The following RARB variants were observed in gnomAD, a reference collection of about 807,000 sequenced individuals.
The protein encoded by RARB is retinoic acid receptor beta.
A neutral mutation model predicts 51.9 loss-of-function variants in RARB; 17 were observed. The ratio of observed to expected loss-of-function variants is 0.33; its 90% confidence interval spans 0.22 to 0.49. RARB has a LOEUF of 0.49. RARB is among the 20% of genes least tolerant of loss of function. The probability of loss-of-function intolerance (pLI) is 0.99; values close to 1 mark genes in which losing one functional copy is unlikely to be tolerated. For missense variants in RARB, 369 were observed against 550.8 expected (o/e 0.67, Z 3.30); for synonymous variants, 215 against 195.4 (o/e 1.10, Z -0.84).
intron 2 of RARB, among the ~76,000 whole-genome samples, chr3:24,978,625 G>A (rs993923219): frequency 3.3e-5 from 5 of 151,522 alleles, no homozygotes; most frequent in East Asian, 1.9e-4. Flanking sequence ...TTTTTATTGC[G>A]TCTATTTGAT....
At chr3:25,048,639 T>A (rs1257375798) in intron 2 of RARB, among the ~76,000 whole-genome samples, 1 of 152,182 alleles carries the variant, frequency 6.6e-6, no homozygotes, top group Non-Finnish European at 1.5e-5. Context: ...CAAAAGCACT[T>A]AATTTCAGAT....
At chr3:25,093,839 C>T (rs954745337) in intron 3 of RARB, among the ~76,000 whole-genome samples, 1 of 152,132 alleles carries the variant, frequency 6.6e-6, no homozygotes, top group Admixed American at 6.5e-5. Context: ...AACCAATTGG[C>T]AACAAGCACC....
chr3:25,263,650 C>T (rs934908821), intron 5 of RARB, among the ~76,000 whole-genome samples: 2 of 152,186 alleles, frequency 1.3e-5, no homozygotes, highest in Admixed American at 6.5e-5. Context: ...TATTGTCTTT[C>T]AAAGCCACCT....
intron 3 of RARB, among the ~76,000 whole-genome samples, chr3:25,108,296 A>G (rs1472058029): frequency 6.6e-6 from 1 of 152,230 alleles, no homozygotes; most frequent in Non-Finnish European, 1.5e-5. Context: ...TGTATACTCA[A>G]ATATGAAATG....
chr3:24,962,079 G>A (rs953026730), intron 2 of RARB, among the ~76,000 whole-genome samples: 3 of 151,792 alleles, frequency 2.0e-5, no homozygotes, highest in Admixed American at 6.6e-5. Context: ...ACAGGTGCCC[G>A]CCACCACACC....
chr3:25,217,418 G>A (rs1055815897), intron 5 of RARB, among the ~76,000 whole-genome samples: 3 of 152,108 alleles, frequency 2.0e-5, no homozygotes, highest in African/African-American at 7.2e-5. Flanking sequence ...TTACATTATA[G>A]CCAATATTAT....
At chr3:24,909,710 C>G (rs914467625) in intron 2 of RARB, among the ~76,000 whole-genome samples, 2 of 152,012 alleles carry the variant, frequency 1.3e-5, no homozygotes, top group African/African-American at 4.8e-5. Context: ...GTCTTTTAAC[C>G]GTGATGGATT....
chr3:25,352,957 T>C (rs138218120), intron 5 of RARB, among the ~76,000 whole-genome samples: 153 of 152,288 alleles, frequency 1.0e-3, no homozygotes, highest in African/African-American at 3.5e-3. Context: ...ATCATGACTA[T>C]CCTGCCTATT....
intron 2 of RARB, among the ~76,000 whole-genome samples, chr3:25,028,577 C>G (rs1189731919): frequency 1.3e-5 from 2 of 152,010 alleles, no homozygotes; most frequent in African/African-American, 2.4e-5. Flanking sequence ...GTTATAGGTA[C>G]AGAGTGGATT....
intron 1 of RARB, among the ~76,000 whole-genome samples, chr3:24,854,746 G>T (rs1298970042): frequency 6.6e-6 from 1 of 152,078 alleles, no homozygotes; most frequent in Admixed American, 6.5e-5. Context: ...CTATTCTCAA[G>T]ATGCCAGGTG....
chr3:25,288,554 A>C lies in RARB; in HGVS notation c.178+113979A>C, dbSNP rs530378146. 2.5e-3 allele frequency among the ~76,000 whole-genome samples: 380 copies of C among 152,264 alleles called. 3 individuals are homozygous for C. Among genetic ancestry groups the C allele is most frequent in the African/African-American group, 8.6e-3 (358 of 41,538 alleles). On this transcript the variant is annotated intron_variant, in intron 5 of 11. Transcript: ENST00000383772. The stretch of plus-strand genomic sequence containing the variant: ...TGAGCCCAGGACACTATTTGGGCCA[A>C]TTTGCATGTGTGAGTGATTCTACCC...
chr3:25,463,461 G>A (rs781335902), intron 2 of RARB, among the ~76,000 whole-genome samples: 5 of 152,124 alleles, frequency 3.3e-5, no homozygotes, highest in East Asian at 1.9e-4. Flanking sequence ...TCAAGAGATC[G>A]AGACCATTCT....
At chr3:25,217,321 C>T (rs1425127044) in intron 5 of RARB, among the ~76,000 whole-genome samples, 3 of 152,080 alleles carry the variant, frequency 2.0e-5, no homozygotes, top group African/African-American at 7.2e-5. Flanking sequence ...ATTTTTGTAT[C>T]ATTAGGAGCT....
At position 24,902,527 on chromosome 3, in the gene RARB, T is replaced by A. The variant is rs558741884; in HGVS notation, c.-380+43775T>A. On this transcript the variant is annotated intron_variant, in intron 2 of 11. Transcript: ENST00000383772. ...TCTGTTGGGGACAACGTGAGGATGATAAAAACGGGTAATTTGGTCTGGGTT... is the reference window on the plus strand; with the variant it reads ...TCTGTTGGGGACAACGTGAGGATGAAAAAAACGGGTAATTTGGTCTGGGTT... Among the ~76,000 whole-genome samples the A allele has an allele frequency of 2.1e-4, 32 of 152,290 alleles. No individual in the cohort carries two copies. In the South Asian group the frequency reaches 6.6e-3, roughly 32 times the overall value.
chr3:25,589,933 G>A (rs1371217603), intron 5 of RARB, among the ~76,000 whole-genome samples: 1 of 152,012 alleles, frequency 6.6e-6, no homozygotes, highest in Non-Finnish European at 1.5e-5. Flanking sequence ...ACTGGCATTT[G>A]ATTTTAGTGT....
chr3:25,160,933 C>A (rs2125346435), intron 4 of RARB, among the ~76,000 whole-genome samples: 1 of 152,254 alleles, frequency 6.6e-6, no homozygotes, highest in Non-Finnish European at 1.5e-5. Flanking sequence ...ATAATCAAAT[C>A]TCCCTTTGCC....
At chr3:25,346,146 A>C (rs1705386406) in intron 5 of RARB, among the ~76,000 whole-genome samples, 1 of 152,296 alleles carries the variant, frequency 6.6e-6, no homozygotes, top group South Asian at 2.1e-4. Context: ...GTCCTTATTC[A>C]GATACAACTT....
intron 2 of RARB, among the ~76,000 whole-genome samples, chr3:24,962,050 C>T (rs1429920092): frequency 2.6e-5 from 4 of 151,616 alleles, no homozygotes. Context: ...CTTCCTCAGC[C>T]TCCCAAGTAG....
At chr3:25,004,007 A>G (rs1177126867) in intron 2 of RARB, among the ~76,000 whole-genome samples, 1 of 152,154 alleles carries the variant, frequency 6.6e-6, no homozygotes, top group Non-Finnish European at 1.5e-5. Context: ...TAACAAATAA[A>G]CTCCAGATTT....
Sources: gnomAD v4.1 joint callset for allele counts (sites outside exome capture counted in the v4.1 genomes callset) on GRCh38, gnomAD v4.1.1 for gene constraint, MANE v1.5 for transcripts, NCBI Gene and HGNC (gene_info 2026-07-23, HGNC 2026-07-21) for gene names.